The following DDX4 variants were observed in gnomAD, a reference collection of about 807,000 sequenced individuals.
DDX4 encodes the protein probable ATP-dependent RNA helicase DDX4.
In DDX4, 25 loss-of-function variants were observed where a neutral mutation model predicts 100.0. The ratio of observed to expected loss-of-function variants is 0.25; its 90% CI spans 0.18 to 0.35. The LOEUF is 0.35. DDX4 is among the 10% of genes least tolerant of loss of function. The pLI is 1.00. For missense variants in DDX4, 635 were observed against 882.4 expected (o/e 0.72, Z 3.55); for synonymous variants, 259 against 275.7 (o/e 0.94, Z 0.60).
intron 18 of DDX4, among the ~76,000 whole-genome samples, chr5:55,802,057 C>T (rs150658586): frequency 1.8e-3 from 279 of 152,208 alleles, no homozygotes; most frequent in African/African-American, 4.8e-3. Context: ...TAAGGAAAGC[C>T]AACCTTTGTT....
rs1223690125 is a variant in DDX4 at position 55,816,655 on chromosome 5, TCTCA to T, written c.*119_*122del. The T allele has an allele frequency of 6.7e-7, 1 of 1,491,654 alleles. No homozygotes were observed. Among genetic ancestry groups the T allele is most frequent in the African/African-American group, 1.4e-5 (1 of 70,568 alleles). 92.4% of individuals were successfully genotyped at this position (1,491,654 alleles called of 1,614,324 possible). ...ATTCTCATAGCTCCTGTCCTTGTATTCTCACTCCTACACTTAAAAAAAAAATCCT... is the reference window on the plus strand; with the variant it reads ...ATTCTCATAGCTCCTGTCCTTGTATTCTCCTACACTTAAAAAAAAAATCCT... On this transcript the variant is annotated 3_prime_UTR_variant, in exon 22 of 22. Transcript: ENST00000505374.
intron 7 of DDX4, among the ~76,000 whole-genome samples, chr5:55,778,647 A>T (rs1429394389): frequency 6.6e-6 from 1 of 152,200 alleles, no homozygotes; most frequent in East Asian, 1.9e-4. Flanking sequence ...TAATCCCAGC[A>T]CTTTGGGAGG....
chr5:55,808,829 A>G lies in DDX4; in HGVS notation c.1616-4844A>G, dbSNP rs565365908. Among the ~76,000 whole-genome samples the G allele has an allele frequency of 4.1e-3, 623 of 151,716 alleles. 5 individuals carry two copies. The highest frequency in any genetic ancestry group is 0.015 in the African/African-American group (600 of 41,356). ...CTGGCTGCGTGCTGGGAGAACCACTACTCTCTTCAAGGCTGTCAGACAGGG... is the reference window on the plus strand; with the variant it reads ...CTGGCTGCGTGCTGGGAGAACCACTGCTCTCTTCAAGGCTGTCAGACAGGG... On this transcript the variant is annotated intron_variant, in intron 18 of 21. Transcript: ENST00000505374.
At chr5:55,785,701 A>C (rs1289314664) in intron 12 of DDX4, 28 bp from the exon 13 acceptor site, 1 of 1,595,164 alleles carries the variant, frequency 6.3e-7, no homozygotes, top group Admixed American at 1.7e-5. Flanking sequence ...TCTGTAACGT[A>C]CATTATGTTT....
intron 18 of DDX4, 87 bp downstream of exon 18, chr5:55,798,658 G>A (rs1743114743): frequency 7.8e-7 from 1 of 1,287,414 alleles, no homozygotes; most frequent in Non-Finnish European, 1.0e-6. Flanking sequence ...TGTTTGGTCT[G>A]ACTTTTCATA....
intron 3 of DDX4, among the ~76,000 whole-genome samples, chr5:55,754,770 C>G (rs946159739): frequency 1.3e-5 from 2 of 151,102 alleles, no homozygotes; most frequent in South Asian, 2.1e-4. Context: ...CCTTGTACCT[C>G]TGGTAGAATT....
intron 18 of DDX4, among the ~76,000 whole-genome samples, chr5:55,802,442 CAG>C (rs1743375105): frequency 6.6e-6 from 1 of 152,010 alleles, no homozygotes; most frequent in South Asian, 2.1e-4. Context: ...CAAATGGCCA[CAG>C]AGAGATATTC....
At chr5:55,772,495 G>T (rs1251925426) in intron 7 of DDX4, among the ~76,000 whole-genome samples, 1 of 152,132 alleles carries the variant, frequency 6.6e-6, no homozygotes, top group Non-Finnish European at 1.5e-5. Flanking sequence ...CTGATATCTG[G>T]CATTGTAAGT....
chr5:55,752,707 G>C (rs1199704789), intron 3 of DDX4, among the ~76,000 whole-genome samples: 1 of 145,458 alleles, frequency 6.9e-6, no homozygotes, highest in Non-Finnish European at 1.5e-5. Context: ...CCAGTAATGG[G>C]ATGGCTGGGT....
rs150509711 is a variant in DDX4, at chr5:55,757,411, A to G, written c.128-2789A>G. Among the ~76,000 whole-genome samples the G allele has an allele frequency of 3.0e-3, 460 of 152,308 alleles. 5 individuals carry two copies. Among genetic ancestry groups the G allele is most frequent in the African/African-American group, 0.011 (438 of 41,558 alleles). ...AATTCACTAAGAATAATGGTCTCCA[A>G]TTCCATCCAGGTTGCTGCAAATGCC... On this transcript the variant is annotated intron_variant, in intron 3 of 21. Coordinates refer to ENST00000505374, the MANE Select transcript of DDX4 (RefSeq NM_024415.3).
intron 4 of DDX4, 143 bp from the exon 5 acceptor site, chr5:55,763,032 A>G (rs1238553085): frequency 3.7e-6 from 2 of 542,298 alleles, no homozygotes; most frequent in African/African-American, 3.8e-5. Context: ...TTGCAGGTAT[A>G]TTAATTAATT....
At chr5:55,761,910 T>C (rs1371667139) in intron 4 of DDX4, among the ~76,000 whole-genome samples, 2 of 152,116 alleles carry the variant, frequency 1.3e-5, no homozygotes, top group African/African-American at 4.8e-5. Context: ...ACGCCTGGAC[T>C]GTATAGTTTC....
chr5:55,802,607 T>C (rs1027372682), intron 18 of DDX4, among the ~76,000 whole-genome samples: 1 of 152,242 alleles, frequency 6.6e-6, no homozygotes, highest in African/African-American at 2.4e-5. Flanking sequence ...CAGTCAACTT[T>C]AGAACCTTCT....
At position 55,773,989 on chromosome 5, in the gene DDX4, T is replaced by C. The variant is rs532776119; in HGVS notation, c.395-5975T>C. Among the ~76,000 whole-genome samples the C allele has an allele frequency of 9.6e-4, 146 of 152,274 alleles. 1 individual carries two copies. The highest frequency in any genetic ancestry group is 3.2e-3 in the African/African-American group (135 of 41,570). The stretch of plus-strand genomic sequence containing the variant: ...TGTTGAGCAGCTTTTCATATGCTTA[T>C]TGACCATTTGTATATCTTTGGAGAA... On this transcript the variant is annotated intron_variant, in intron 7 of 21. Transcript: ENST00000505374.
intron 18 of DDX4, among the ~76,000 whole-genome samples, chr5:55,806,268 A>G (rs1362528453): frequency 6.6e-6 from 1 of 152,130 alleles, no homozygotes; most frequent in African/African-American, 2.4e-5. Context: ...TCTTTTCAAA[A>G]AACCAGCTCC....
At chr5:55,792,123 C>CA (rs35635463) in intron 16 of DDX4, among the ~76,000 whole-genome samples, 1,815 of 50,334 alleles carry the variant, frequency 0.036, 34 homozygotes, top group African/African-American at 0.043. Flanking sequence ...GACTCCTTCT[C>CA]AAAAAAAAAA....
intron 7 of DDX4, among the ~76,000 whole-genome samples, chr5:55,776,770 A>C (rs1485279300): frequency 1.3e-5 from 2 of 152,186 alleles, no homozygotes; most frequent in Admixed American, 1.3e-4. Flanking sequence ...ATACAGTAGT[A>C]AGACAACTGA....
intron 19 of DDX4, 44 bp from the exon 20 acceptor site, chr5:55,814,857 G>T (rs770864371): frequency 1.9e-6 from 3 of 1,558,898 alleles, no homozygotes; most frequent in East Asian, 4.5e-5. Flanking sequence ...TCACTTTAAT[G>T]ATTTTAAGAG....
Position 55,786,589 on chromosome 5 carries a change from T to A in DDX4, c.936T>A (p.Thr312=), listed in dbSNP as rs769135357. The A allele has an allele frequency of 5.6e-6, 9 of 1,612,496 alleles. No individual in the cohort carries two copies. In the East Asian group the frequency reaches 2.0e-4, roughly 36 times the overall value. ...CTAAAGCTGGTTATACTAAGCTTAC[T>A]CCTGTGCAAAAATACAGTATTCCTA... ...NIAKAGYTKL[T]PVQKYSIPII... The change falls in exon 14 of 22, where the codon ACT becomes ACA. Residue 312 remains threonine (T), a synonymous_variant. Transcript: ENST00000505374.
Sources: gnomAD v4.1 joint callset for allele counts (sites outside exome capture counted in the v4.1 genomes callset) on GRCh38, gnomAD v4.1.1 for gene constraint, MANE v1.5 for transcripts, NCBI Gene and HGNC (gene_info 2026-07-23, HGNC 2026-07-21) for gene names.